ATP11A: variants seen among roughly 807,000 people sequenced by gnomAD.
ATP11A encodes the protein phospholipid-transporting ATPase IH.
Under a neutral mutation model 154.4 loss-of-function variants are expected in ATP11A, and 81 were observed. The observed-to-expected ratio is 0.52, with a 90% confidence interval of 0.44 to 0.63. ATP11A has a LOEUF of 0.63. ATP11A is among the 30% of genes least tolerant of loss of function. The pLI is 0.00. For missense variants in ATP11A, 1,316 were observed against 1,474.3 expected (o/e 0.89, Z 1.76); for synonymous variants, 623 against 585.9 (o/e 1.06, Z -0.91).
At chr13:112,784,991 A>G (rs1318186163) in intron 1 of ATP11A, 144 bp from the exon 2 acceptor site, 26 of 1,101,334 alleles carry the variant, frequency 2.4e-5, no homozygotes, top group Non-Finnish European at 3.0e-5. Context: ...GCTGGGCCCC[A>G]GGTCTCCCTG....
intron 2 of ATP11A, among the ~76,000 whole-genome samples, chr13:112,795,659 A>C (rs2077981471): frequency 6.6e-6 from 1 of 152,238 alleles, no homozygotes; most frequent in Non-Finnish European, 1.5e-5. Context: ...AATTGTAATA[A>C]ATTTGTTGGC....
At chr13:112,813,385 T>TG (rs2078558398) in intron 5 of ATP11A, among the ~76,000 whole-genome samples, 1 of 152,160 alleles carries the variant, frequency 6.6e-6, no homozygotes, top group Admixed American at 6.5e-5. Context: ...CCTTTTGGGG[T>TG]TGGCTGTTTT....
chr13:112,881,338 A>G lies in ATP11A; in HGVS notation c.*10-538A>G, dbSNP rs150923813. On this transcript the variant is annotated intron_variant, in intron 29 of 29. Coordinates refer to ENST00000375645, the MANE Select transcript of ATP11A (RefSeq NM_015205.3). Reference sequence around the variant, plus strand: ...ACATCCTAGGCAACATGTCAAGGGGATGCAAGCTGGGCACGTCCAGTACTA... The same window carrying G: ...ACATCCTAGGCAACATGTCAAGGGGGTGCAAGCTGGGCACGTCCAGTACTA... The G allele has an allele frequency of 1.3e-3, 1,324 of 1,010,916 alleles. 6 individuals are homozygous for G. In the African/African-American group the frequency reaches 0.02, roughly 16 times the overall value. The allele number at this position is 1,010,916 out of a possible 1,614,324, so 62.6% of individuals were successfully genotyped here. A position where few individuals can be genotyped will look rare whatever the true frequency, so the allele number is the denominator to read the frequency against.
rs1291213781 is a variant in ATP11A at position 112,690,079 on chromosome 13, G to C, written c.-338G>C. On this transcript the variant is annotated 5_prime_UTR_variant, in exon 1 of 30. Transcript: ENST00000375645. This position sits in a 1 kb window ranked among gnomAD's most constrained non-coding sequence, Gnocchi z 5.6. ...GGGAGGAGGAGACTCGGGAGGAGCA[G>C]AGCGCAGGCTCCGCCGCGGCCGGGG... 6.7e-6 allele frequency among the ~76,000 whole-genome samples: 1 copy of C among 148,598 alleles called. No individual in the cohort carries two copies.
intron 1 of ATP11A, among the ~76,000 whole-genome samples, chr13:112,766,205 C>T (rs2077073327): frequency 6.6e-6 from 1 of 151,778 alleles, no homozygotes; most frequent in Non-Finnish European, 1.5e-5. Flanking sequence ...CTCTGCCTCT[C>T]CATGCAAGGT....
intron 1 of ATP11A, among the ~76,000 whole-genome samples, chr13:112,752,912 C>T (rs988492576): frequency 2.0e-5 from 3 of 152,284 alleles, no homozygotes; most frequent in South Asian, 2.1e-4. Flanking sequence ...CCGAAGGAGC[C>T]GTGTCCTTTG....
chr13:112,758,121 G>T (rs2076883569), intron 1 of ATP11A, among the ~76,000 whole-genome samples: 1 of 152,220 alleles, frequency 6.6e-6, no homozygotes, highest in African/African-American at 2.4e-5. Context: ...GAGTGCAGTG[G>T]CACGATCTCG....
At position 112,883,477 on chromosome 13, in the gene ATP11A, A is replaced by C; in HGVS notation, c.*1611A>C. On this transcript the variant is annotated 3_prime_UTR_variant, in exon 30 of 30. Transcript: ENST00000375645. ...GTGGAACGGGGCTCCGGCAAGTGAA[A>C]CCCAGAGGGTGTTTCCGAGGTGCTC... The C allele has an allele frequency of 3.0e-6, 1 of 337,224 alleles. No homozygotes were observed. The highest frequency in any genetic ancestry group is 5.3e-6 in the Non-Finnish European group (1 of 187,606). The allele number at this position is 337,224 out of a possible 1,614,324, so 20.9% of individuals were successfully genotyped here. A position where few individuals can be genotyped will look rare whatever the true frequency, so the allele number is the denominator to read the frequency against.
At chr13:112,748,929 G>A (rs982842847) in intron 1 of ATP11A, among the ~76,000 whole-genome samples, 10 of 152,282 alleles carry the variant, frequency 6.6e-5, no homozygotes, top group African/African-American at 2.2e-4. Context: ...AGCCACTGCC[G>A]CCCTTTGCGG....
At chr13:112,862,374 G>A in intron 24 of ATP11A, 66 bp from the exon 25 acceptor site, 1 of 1,597,388 alleles carries the variant, frequency 6.3e-7, no homozygotes, top group Non-Finnish European at 8.5e-7. Context: ...GGCCACCCCA[G>A]AGCCTGGGGG....
At position 112,862,582 on chromosome 13, in the gene ATP11A, A is replaced by G. The variant is rs1390239060; in HGVS notation, c.2991+7A>G. On this transcript the variant is annotated splice_region_variant and intron_variant, in intron 25 of 29. Transcript: ENST00000375645. ...TGTGACAAGCAACGGGCAGGTCAGT[A>G]CAGAGCTCGATTGCGCTGACTTAGC... The G allele has an allele frequency of 5.0e-6, 8 of 1,614,150 alleles. No homozygotes were observed. Among genetic ancestry groups the G allele is most frequent in the Non-Finnish European group, 5.9e-6 (7 of 1,179,982 alleles).
intron 29 of ATP11A, chr13:112,880,381 G>A (rs201885443): frequency 1.2e-5 from 5 of 429,174 alleles, no homozygotes; most frequent in East Asian, 1.1e-4. Context: ...TTCCCAAGAC[G>A]CCCCAAGCCC....
Position 112,835,057 on chromosome 13 carries a change from G to A in ATP11A, c.1631+397G>A, listed in dbSNP as rs547410753. On this transcript the variant is annotated intron_variant, in intron 15 of 29. Coordinates refer to ENST00000375645, the MANE Select transcript of ATP11A (RefSeq NM_015205.3). Reference sequence around the variant, plus strand: ...TGCCCCCGGTGTGGCCATGAGTCCCGCAGGGAGGAACCCTGGCTCACGTGC... The same window carrying A: ...TGCCCCCGGTGTGGCCATGAGTCCCACAGGGAGGAACCCTGGCTCACGTGC... Among the ~76,000 whole-genome samples, 145 of 152,386 alleles carry A rather than the reference G, an allele frequency of 9.5e-4. 2 individuals carry two copies. In the Middle Eastern group the frequency reaches 0.024, roughly 25 times the overall value.
At chr13:112,860,976 G>A (rs2080084509) in intron 24 of ATP11A, among the ~76,000 whole-genome samples, 1 of 152,136 alleles carries the variant, frequency 6.6e-6, no homozygotes. Context: ...ACATACCTGA[G>A]ACTGGGTAAT....
intron 1 of ATP11A, among the ~76,000 whole-genome samples, chr13:112,719,898 T>TA (rs1404560481): frequency 1.3e-5 from 2 of 151,886 alleles, no homozygotes; most frequent in African/African-American, 2.4e-5. Flanking sequence ...TCCCATAATT[T>TA]AAAAAAAAGT....
chr13:112,780,158 A>G (rs2077462588), intron 1 of ATP11A, among the ~76,000 whole-genome samples: 3 of 152,118 alleles, frequency 2.0e-5, no homozygotes, highest in Admixed American at 2.0e-4. Flanking sequence ...CAACATTTTT[A>G]CTGAGGTATA....
chr13:112,881,185 C>T, intron 29 of ATP11A: 1 of 989,106 alleles, frequency 1.0e-6, no homozygotes, highest in Non-Finnish European at 1.2e-6. Context: ...CTGGGGACGG[C>T]CCCTCATCAG....
In ATP11A at chr13:112,883,043, C is replaced by T. The variant is rs1217447921; in HGVS notation, c.*1177C>T. On this transcript the variant is annotated 3_prime_UTR_variant, in exon 30 of 30. Coordinates refer to ENST00000375645, the MANE Select transcript of ATP11A (RefSeq NM_015205.3). ...CCCACGTCCCCTCATCCCGTCACCT[C>T]GTCCCCACATCCCCTTGCCCCGTCA... 41 of 398,130 alleles carry T rather than the reference C, an allele frequency of 1.0e-4. No individual in the cohort carries two copies. Among genetic ancestry groups the T allele is most frequent in the Admixed American group, 3.1e-4 (7 of 22,636 alleles). 24.7% of individuals were successfully genotyped at this position (398,130 alleles called of 1,614,324 possible).
At chr13:112,836,300 G>A in intron 16 of ATP11A, 49 bp downstream of exon 16, 2 of 1,173,674 alleles carry the variant, frequency 1.7e-6, no homozygotes, top group Non-Finnish European at 2.5e-6. Context: ...TGGTGGTTGT[G>A]TTTTATTCTG....
Sources: allele counts gnomAD v4.1 joint callset (sites outside exome capture counted in the v4.1 genomes callset), GRCh38; gene constraint gnomAD v4.1.1; non-coding constraint Gnocchi (gnomAD v3.1); transcripts MANE v1.5; gene names NCBI Gene and HGNC (gene_info 2026-07-23, HGNC 2026-07-21).